Variants in KIF21B observed in about 807,000 individuals in gnomAD.
KIF21B encodes the protein kinesin family member 21B.
In KIF21B, 85 loss-of-function variants were observed where a neutral mutation model predicts 192.9. That is an observed-to-expected ratio of 0.44 (90% CI 0.37 to 0.53). KIF21B has a LOEUF of 0.53. Among genes scored for constraint, KIF21B ranks in the 20% least tolerant of loss-of-function variants. KIF21B has a pLI of 0.00. For synonymous variants in KIF21B, 832 were observed against 884.6 expected, an observed-to-expected ratio of 0.94 and a Z score of 1.05; for missense variants, 1,716 against 2,194.8, an observed-to-expected ratio of 0.78 and a Z score of 4.36.
intron 34 of KIF21B, chr1:200,973,848 T>A: frequency 7.0e-7 from 1 of 1,438,372 alleles, no homozygotes; most frequent in Non-Finnish European, 9.1e-7. Flanking sequence ...GCCTGAAGGC[T>A]CCCCCTTCTG....
chr1:201,004,499 G>A (rs995731009), intron 6 of KIF21B, 44 bp from the exon 7 acceptor site: 12 of 1,483,752 alleles, frequency 8.1e-6, no homozygotes, highest in South Asian at 2.4e-5. Context: ...CTCAGGGAGC[G>A]AAGGGTAGGG....
At chr1:201,002,415 G>T in intron 8 of KIF21B, 65 bp from the exon 9 acceptor site, 2 of 1,413,780 alleles carry the variant, frequency 1.4e-6, no homozygotes, top group African/African-American at 1.4e-5. Flanking sequence ...GTAAGGGGCT[G>T]ATGATGCCCC....
chr1:200,975,110 T>G lies in KIF21B; in HGVS notation c.4615-197A>C, dbSNP rs575245571. Among the ~76,000 whole-genome samples the G allele has an allele frequency of 2.0e-5, 3 of 152,164 alleles. No individual in the cohort carries two copies. The East Asian group carries it at 5.8e-4, about 29-fold the overall frequency. On this transcript the variant is annotated intron_variant, in intron 33 of 34. Coordinates refer to ENST00000461742, the MANE Select transcript of KIF21B (RefSeq NM_001252102.2). The surrounding 1 kb of genome is among the most constrained non-coding windows in gnomAD (Gnocchi z 4.3). ...TGGGCTTTAGGGGACCAGAGATGGGTCCCTCTGCTCTACTTCCCAGGTTCA... is the reference window on the plus strand; with the variant it reads ...TGGGCTTTAGGGGACCAGAGATGGGGCCCTCTGCTCTACTTCCCAGGTTCA...
At position 200,998,131 on chromosome 1, in the gene KIF21B, T is replaced by C. The variant is rs1657197054; in HGVS notation, c.2077+253A>G. Among the ~76,000 whole-genome samples the C allele has an allele frequency of 6.6e-6, 1 of 152,140 alleles. No homozygotes were observed. Among genetic ancestry groups the C allele is most frequent in the African/African-American group, 2.4e-5 (1 of 41,428 alleles). On this transcript the variant is annotated intron_variant, in intron 14 of 34. Coordinates refer to ENST00000461742, the MANE Select transcript of KIF21B (RefSeq NM_001252102.2). The surrounding 1 kb of genome is among the most constrained non-coding windows in gnomAD (Gnocchi z 4.3). ...AAAGGCTGGGAGTGTCATGTTCGCG[T>C]GCCTAGGTATATAAAGAATTCTAAT...
chr1:201,015,447 T>C (rs1213709948), intron 1 of KIF21B, among the ~76,000 whole-genome samples: 5 of 152,212 alleles, frequency 3.3e-5, no homozygotes, highest in Admixed American at 3.3e-4. Flanking sequence ...CCCTGATGCC[T>C]TTCTGGAATC....
intron 9 of KIF21B, among the ~76,000 whole-genome samples, chr1:201,001,096 A>G (rs1276267214): frequency 6.8e-6 from 1 of 147,228 alleles, no homozygotes; most frequent in African/African-American, 2.6e-5. Context: ...AACAAGAGCG[A>G]AACTCCGTCT....
intron 7 of KIF21B, 150 bp from the exon 8 acceptor site, chr1:201,003,931 G>A (rs1657650899): frequency 6.3e-6 from 5 of 792,288 alleles, no homozygotes; most frequent in Non-Finnish European, 1.0e-5. Flanking sequence ...CTGGGATGTG[G>A]GGAGCTGGAC....
Position 200,990,312 on chromosome 1 carries a change from G to A in KIF21B, c.2856C>T (p.Leu952=), listed in dbSNP as rs756606079. 3.1e-6 allele frequency: 5 copies of A among 1,611,948 alleles called. No individual in the cohort carries two copies. In the East Asian group the frequency reaches 1.1e-4, roughly 36 times the overall value. Residue 952 remains leucine, a synonymous_variant, in exon 20 of 35, where the codon CTC becomes CTT. Coordinates refer to ENST00000461742, the MANE Select transcript of KIF21B (RefSeq NM_001252102.2). This position sits in a 1 kb window ranked among gnomAD's most constrained non-coding sequence, Gnocchi z 5.4. The stretch of plus-strand genomic sequence containing the variant: ...GCTTCCTCCGCAGTGCCTCCTGCAG[G>A]AGGAACAGCTCCTCCCTTTTCTGGG... ...RLIKKREELF[L]LQEALRRKRE... is the part of the protein sequence containing the mutation.
intron 1 of KIF21B, among the ~76,000 whole-genome samples, chr1:201,010,918 G>A (rs1360601895): frequency 6.6e-6 from 1 of 152,222 alleles, no homozygotes; most frequent in Non-Finnish European, 1.5e-5. Context: ...AGCCCAGCGG[G>A]GAGGGGTTGG....
chr1:201,009,377 G>C lies in KIF21B; in HGVS notation c.153C>G (p.Asp51Glu), dbSNP rs764651949. Residue 51 changes from aspartate (D) to glutamate (E), a missense_variant, in exon 2 of 35, where the codon GAC becomes GAG. By Grantham distance (45) the Asp-to-Glu change is conservative. This residue lies in a region of KIF21B where 1,087 missense variants were observed against 1,316.6 expected (regional missense o/e 0.83). Coordinates refer to ENST00000461742, the MANE Select transcript of KIF21B (RefSeq NM_001252102.2). ...LLGKDKAFTY[D>E]FVFDLDTWQE... is the part of the protein sequence containing the mutation. Reference sequence around the variant, plus strand: ...GCCAGGTGTCCAGGTCGAAGACAAAGTCATAGGTGAAGGCCTTGTCCTTCC... The same window carrying C: ...GCCAGGTGTCCAGGTCGAAGACAAACTCATAGGTGAAGGCCTTGTCCTTCC... The C allele has an allele frequency of 3.1e-6, 5 of 1,614,264 alleles. No homozygotes were observed. Among genetic ancestry groups the C allele is most frequent in the Non-Finnish European group, 4.2e-6 (5 of 1,180,034 alleles).
In KIF21B at chr1:201,005,320, G is replaced by A. The variant is rs530491419; in HGVS notation, c.720C>T (p.Thr240=). 9 of 1,604,372 alleles carry A rather than the reference G, an allele frequency of 5.6e-6. No individual in the cohort carries two copies. Among genetic ancestry groups the A allele is most frequent in the Non-Finnish European group, 7.7e-6 (9 of 1,175,206 alleles). Residue 240 remains threonine (T), a synonymous_variant, in exon 5 of 35, where the codon ACC becomes ACT. Transcript: ENST00000461742. ...GCAGGCTCCTCACCAGGTCGGGCTGGGTGCACATGCGCATCTGGCACAGGT... is the reference window on the plus strand; with the variant it reads ...GCAGGCTCCTCACCAGGTCGGGCTGAGTGCACATGCGCATCTGGCACAGGT... ...TIHLCQMRMC[T]QPDLVNEAVT... is the part of the protein sequence containing the mutation.
chr1:200,974,472 G>A (rs1311397230), intron 34 of KIF21B, among the ~76,000 whole-genome samples: 4 of 152,126 alleles, frequency 2.6e-5, no homozygotes, highest in South Asian at 2.1e-4. Flanking sequence ...GGAGACAAGC[G>A]GGCGAGGCTT....
At chr1:201,010,879 G>T (rs1465203304) in intron 1 of KIF21B, among the ~76,000 whole-genome samples, 3 of 152,198 alleles carry the variant, frequency 2.0e-5, no homozygotes, top group Non-Finnish European at 4.4e-5. Flanking sequence ...AGTTAAAGGG[G>T]AGTTAAAGGG....
intron 31 of KIF21B, 137 bp downstream of exon 31, chr1:200,977,075 C>T (rs1293187646): frequency 1.8e-6 from 2 of 1,119,316 alleles, no homozygotes; most frequent in African/African-American, 1.6e-5. Context: ...CTGGAGAGGG[C>T]ACAGGCCCAG....
intron 27 of KIF21B, 108 bp from the exon 28 acceptor site, chr1:200,983,202 T>G: frequency 5.6e-5 from 51 of 917,794 alleles, no homozygotes; most frequent in Non-Finnish European, 8.2e-5. Context: ...GGTTATTCTC[T>G]TCCAGCGGAG....
In KIF21B at chr1:200,976,228, C is replaced by T. The variant is rs545400500; in HGVS notation, c.4443+548G>A. On this transcript the variant is annotated intron_variant, in intron 32 of 34. Coordinates refer to ENST00000461742, the MANE Select transcript of KIF21B (RefSeq NM_001252102.2). The stretch of plus-strand genomic sequence containing the variant: ...CCCTCAACCTCCCAAGTAGCTGGGA[C>T]TACAGGCGCCCGACACCATGCCTGG... Among the ~76,000 whole-genome samples the T allele has an allele frequency of 2.6e-5, 4 of 152,232 alleles. No individual in the cohort carries two copies. The East Asian group carries it at 5.8e-4, about 22-fold the overall frequency.
rs1374166700 is a variant in KIF21B, at chr1:201,000,039, C to T, written c.1686-75G>A. The T allele has an allele frequency of 8.1e-6, 11 of 1,365,126 alleles. No homozygotes were observed. The highest frequency in any genetic ancestry group is 1.0e-5 in the Non-Finnish European group (10 of 961,278). The allele number at this position is 1,365,126 out of a possible 1,614,324, so 84.6% of individuals were successfully genotyped here. A position where few individuals can be genotyped will look rare whatever the true frequency, so the allele number is the denominator to read the frequency against. On this transcript the variant is annotated intron_variant, in intron 11 of 34. Transcript: ENST00000461742. The surrounding 1 kb of genome is among the most constrained non-coding windows in gnomAD (Gnocchi z 6.0). ...GAGCACATGGGCAGGACGGCGGCAGCGGCAGAAAAGGAAGGCTCTCACCAG... is the reference window on the plus strand; with the variant it reads ...GAGCACATGGGCAGGACGGCGGCAGTGGCAGAAAAGGAAGGCTCTCACCAG...
Position 200,998,637 on chromosome 1 carries a change from G to A in KIF21B, c.1886-62C>T. The A allele has an allele frequency of 1.3e-6, 2 of 1,506,300 alleles. No homozygotes were observed. Among genetic ancestry groups the A allele is most frequent in the Non-Finnish European group, 9.1e-7 (1 of 1,095,848 alleles). The allele number at this position is 1,506,300 out of a possible 1,614,324, so 93.3% of individuals were successfully genotyped here. A position where few individuals can be genotyped will look rare whatever the true frequency, so the allele number is the denominator to read the frequency against. On this transcript the variant is annotated intron_variant, in intron 13 of 34. Transcript: ENST00000461742. This position sits in a 1 kb window ranked among gnomAD's most constrained non-coding sequence, Gnocchi z 4.3. The stretch of plus-strand genomic sequence containing the variant: ...GCGAGGGGCAAATTGGGGAGCAGAT[G>A]TGCCAGTGCTGGGGAGCTGGGACCC...
chr1:201,011,068 C>T (rs1309372066), intron 1 of KIF21B, among the ~76,000 whole-genome samples: 2 of 152,224 alleles, frequency 1.3e-5, no homozygotes, highest in Non-Finnish European at 2.9e-5. Context: ...GAGGTCACCA[C>T]ATTTATCCAG....
Sources: allele counts gnomAD v4.1 joint callset (sites outside exome capture counted in the v4.1 genomes callset), GRCh38; gene constraint gnomAD v4.1.1; regional missense constraint gnomAD v4.1.1; non-coding constraint Gnocchi (gnomAD v3.1); transcripts MANE v1.5; gene names NCBI Gene and HGNC (gene_info 2026-07-23, HGNC 2026-07-21).